EPS15: variants seen among roughly 807,000 people sequenced by gnomAD.
The protein encoded by EPS15 is epidermal growth factor receptor substrate 15.
EPS15 carries 72 observed loss-of-function variants against 113.8 expected under a neutral mutation model. The ratio of observed to expected loss-of-function variants is 0.63; its 90% CI spans 0.52 to 0.77. EPS15 has a LOEUF of 0.77. EPS15 is among the 30% of genes least tolerant of loss of function. The pLI, the probability that EPS15 is intolerant of heterozygous loss-of-function variation, is 0.00. For synonymous variants in EPS15, 344 were observed against 363.4 expected, an observed-to-expected ratio of 0.95 and a Z score of 0.61; for missense variants, 1,048 against 1,045.8, an observed-to-expected ratio of 1.00 and a Z score of -0.03.
chr1:51,393,237 G>A (rs1288708797), intron 21 of EPS15, among the ~76,000 whole-genome samples: 1 of 151,922 alleles, frequency 6.6e-6, no homozygotes, highest in Non-Finnish European at 1.5e-5. Context: ...TTTTTTTGGA[G>A]ACAGAGTCTC....
intron 21 of EPS15, among the ~76,000 whole-genome samples, chr1:51,389,373 G>T (rs1647193685): frequency 6.6e-6 from 1 of 152,132 alleles, no homozygotes; most frequent in Non-Finnish European, 1.5e-5. Flanking sequence ...TACTGAATGG[G>T]CAAAAACTGC....
At chr1:51,413,729 C>T (rs567328830) in intron 13 of EPS15, among the ~76,000 whole-genome samples, 1 of 152,120 alleles carries the variant, frequency 6.6e-6, no homozygotes, top group African/African-American at 2.4e-5. Flanking sequence ...ATCATTACTG[C>T]TTTAACATGT....
At chr1:51,430,977 TACACACAC>T (rs67920039) in intron 12 of EPS15, among the ~76,000 whole-genome samples, 7,472 of 122,016 alleles carry the variant, frequency 0.061, 246 homozygotes, top group African/African-American at 0.13. Flanking sequence ...ATTACTTACA[TACACACAC>T]ACACACACAC....
intron 1 of EPS15, among the ~76,000 whole-genome samples, chr1:51,493,577 T>C (rs572101279): frequency 7.5e-6 from 1 of 133,078 alleles, no homozygotes; most frequent in East Asian, 2.4e-4. Context: ...AATAAATAAA[T>C]AAAAATAAAG....
At chr1:51,413,965 G>A (rs190795337) in intron 13 of EPS15, among the ~76,000 whole-genome samples, 236 of 152,126 alleles carry the variant, frequency 1.6e-3, no homozygotes, top group Non-Finnish European at 2.4e-3. Flanking sequence ...GCCCAGGGTG[G>A]TCTCAAACTC....
intron 1 of EPS15, among the ~76,000 whole-genome samples, chr1:51,514,675 G>A (rs1008186135): frequency 2.0e-5 from 3 of 152,110 alleles, no homozygotes; most frequent in African/African-American, 7.2e-5. Flanking sequence ...CTAGCATTCT[G>A]TCTGCAAATA....
At chr1:51,365,444 C>G (rs575118394) in intron 22 of EPS15, among the ~76,000 whole-genome samples, 21 of 152,326 alleles carry the variant, frequency 1.4e-4, no homozygotes, top group African/African-American at 5.1e-4. Flanking sequence ...AAGGAACCAA[C>G]AATCTAATCC....
intron 1 of EPS15, among the ~76,000 whole-genome samples, chr1:51,515,011 A>C (rs937812557): frequency 2.6e-5 from 4 of 152,198 alleles, no homozygotes; most frequent in African/African-American, 9.7e-5. Flanking sequence ...ATAATTGTTA[A>C]ACCAGACTAC....
chr1:51,446,159 T>C (rs1653030909), intron 10 of EPS15, among the ~76,000 whole-genome samples: 1 of 152,206 alleles, frequency 6.6e-6, no homozygotes, highest in Non-Finnish European at 1.5e-5. Context: ...TATCGTTAGG[T>C]GGATTGGCGG....
At chr1:51,517,746 A>G (rs1389094199) in intron 1 of EPS15, among the ~76,000 whole-genome samples, 2 of 146,662 alleles carry the variant, frequency 1.4e-5, no homozygotes, top group South Asian at 2.2e-4. Context: ...TCTGCTTGTC[A>G]GAACAGGACA....
At chr1:51,457,241 C>CG (rs1009797384) in intron 8 of EPS15, among the ~76,000 whole-genome samples, 12 of 151,850 alleles carry the variant, frequency 7.9e-5, no homozygotes, top group African/African-American at 2.9e-4. Flanking sequence ...GAGCTGAGAT[C>CG]GCGCCACTGC....
At chr1:51,369,276 C>T (rs1192123961) in intron 21 of EPS15, among the ~76,000 whole-genome samples, 1 of 152,228 alleles carries the variant, frequency 6.6e-6, no homozygotes, top group Non-Finnish European at 1.5e-5. Flanking sequence ...AAATAACTTT[C>T]TCAGATACTG....
At chr1:51,478,841 G>C (rs540365313) in intron 2 of EPS15, among the ~76,000 whole-genome samples, 70 of 152,302 alleles carry the variant, frequency 4.6e-4, no homozygotes, top group African/African-American at 1.4e-3. Context: ...AGTCTGATGG[G>C]CTTCCCTTTG....
intron 12 of EPS15, among the ~76,000 whole-genome samples, chr1:51,437,412 C>T (rs1419984995): frequency 6.6e-6 from 1 of 151,334 alleles, no homozygotes; most frequent in Non-Finnish European, 1.5e-5. Context: ...TAAAGTACTA[C>T]ATTCATTATA....
Position 51,489,187 on chromosome 1 carries a change from GA to G in EPS15, c.34-7874del, listed in dbSNP as rs929521462. 6.7e-5 allele frequency among the ~76,000 whole-genome samples: 10 copies of G among 148,658 alleles called. No homozygotes were observed. The East Asian group carries it at 7.8e-4, about 12-fold the overall frequency. On this transcript the variant is annotated intron_variant, in intron 1 of 24. Transcript: ENST00000371733. ...AGGAGGAACTGCTATTTTTGTTAAGGAAAAAATATGTTATTATAATTACATA... is the reference window on the plus strand; with the variant it reads ...AGGAGGAACTGCTATTTTTGTTAAGGAAAAATATGTTATTATAATTACATA...
At chr1:51,495,445 A>G (rs1159326236) in intron 1 of EPS15, among the ~76,000 whole-genome samples, 2 of 151,534 alleles carry the variant, frequency 1.3e-5, no homozygotes, top group Non-Finnish European at 1.5e-5. Flanking sequence ...AAGAAATATA[A>G]AAGAATAACC....
At chr1:51,381,253 GC>G (rs1479972625) in intron 21 of EPS15, among the ~76,000 whole-genome samples, 1 of 152,110 alleles carries the variant, frequency 6.6e-6, no homozygotes, top group Non-Finnish European at 1.5e-5. Context: ...CATACTTTAG[GC>G]CATAGAACAA....
At chr1:51,364,085 T>G (rs1447327831) in intron 22 of EPS15, 57 bp from the exon 23 acceptor site, 7 of 1,308,476 alleles carry the variant, frequency 5.3e-6, no homozygotes, top group Non-Finnish European at 7.4e-6. Flanking sequence ...GTGGTAGTCA[T>G]GTAGCATTCA....
chr1:51,476,793 AG>A (rs1289347703), intron 2 of EPS15, among the ~76,000 whole-genome samples: 7 of 152,176 alleles, frequency 4.6e-5, no homozygotes, highest in Admixed American at 1.3e-4. Flanking sequence ...CTTGCATCCC[AG>A]GGATGAAACC....
Sources: gnomAD v4.1 joint callset for allele counts (sites outside exome capture counted in the v4.1 genomes callset) on GRCh38, gnomAD v4.1.1 for gene constraint, MANE v1.5 for transcripts, NCBI Gene and HGNC (gene_info 2026-07-23, HGNC 2026-07-21) for gene names.